CRX: variants seen among roughly 807,000 people sequenced by gnomAD.
The protein encoded by CRX is cone-rod homeobox protein.
A neutral mutation model predicts 13.1 loss-of-function variants in CRX; 5 were observed. That is an observed-to-expected ratio of 0.38 (90% CI 0.20 to 0.80). The LOEUF is 0.80. Among genes scored for constraint, CRX ranks in the 30% least tolerant of loss-of-function variants. The pLI is 0.43. For synonymous variants in CRX, 179 were observed against 171.1 expected (o/e 1.05, Z -0.36); for missense variants, 351 against 391.8 (o/e 0.90, Z 0.88).
At position 47,836,289 on chromosome 19, in the gene CRX, C is replaced by G. The variant is rs751665561; in HGVS notation, c.147C>G (p.Ser49Arg). ...GGGAGCGCACCACCTTCACCCGGAGCCAACTGGAGGAGCTGGAGGCACTGT... is the reference window on the plus strand; with the variant it reads ...GGGAGCGCACCACCTTCACCCGGAGGCAACTGGAGGAGCTGGAGGCACTGT... ...QRRERTTFTR[S>R]QLEELEALFA... Residue 49 changes from serine (S) to arginine (R), a missense_variant, in exon 3 of 4, where the codon AGC becomes AGG. Transcript: ENST00000221996. 3.1e-6 allele frequency: 5 copies of G among 1,614,078 alleles called. No homozygotes were observed. The South Asian group carries it at 5.5e-5, about 18-fold the overall frequency.
chr19:47,841,675 A>G lies in CRX; in HGVS notation c.*1708A>G, dbSNP rs1258489463. The G allele has an allele frequency of 6.7e-6, 1 of 150,024 alleles. No individual in the cohort carries two copies. The highest frequency in any genetic ancestry group is 1.5e-5 in the Non-Finnish European group (1 of 67,820). The allele number at this position is 150,024 out of a possible 1,614,324, so 9.3% of individuals were successfully genotyped here. A position where few individuals can be genotyped will look rare whatever the true frequency, so the allele number is the denominator to read the frequency against. On this transcript the variant is annotated 3_prime_UTR_variant, in exon 4 of 4. Coordinates refer to ENST00000221996, the MANE Select transcript of CRX (RefSeq NM_000554.6). Reference sequence around the variant, plus strand: ...GGGTGGCACCATTATTTCTTGAAATAGAATCTTACTTATGGTGACACTGGC... The same window carrying G: ...GGGTGGCACCATTATTTCTTGAAATGGAATCTTACTTATGGTGACACTGGC...
intron 1 of CRX, among the ~76,000 whole-genome samples, chr19:47,834,191 G>A (rs1968088251): frequency 6.6e-6 from 1 of 152,134 alleles, no homozygotes; most frequent in African/African-American, 2.4e-5. Flanking sequence ...GGCACATGAT[G>A]GCTTCAGCTG....
At chr19:47,832,452 G>T (rs1781757202) in intron 1 of CRX, among the ~76,000 whole-genome samples, 1 of 151,576 alleles carries the variant, frequency 6.6e-6, no homozygotes, top group African/African-American at 2.4e-5. Flanking sequence ...GGAGAGTTTC[G>T]CTATGTTGCC....
At chr19:47,824,989 G>GGTTTTT (rs1568620994) in intron 1 of CRX, among the ~76,000 whole-genome samples, 1 of 57,976 alleles carries the variant, frequency 1.7e-5, no homozygotes, top group African/African-American at 8.0e-5. Flanking sequence ...TCGATTGATT[G>GGTTTTT]ATTTTTTTTT....
At chr19:47,827,359 G>A (rs12973101) in intron 1 of CRX, among the ~76,000 whole-genome samples, 32,473 of 151,362 alleles carry the variant, frequency 0.21, 3,615 homozygotes, top group African/African-American at 0.24. Flanking sequence ...TCAGGGTGAC[G>A]GTGTGAGATT....
At chr19:47,835,281 C>G (rs13346039) in intron 2 of CRX, among the ~76,000 whole-genome samples, 1,897 of 151,476 alleles carry the variant, frequency 0.013, 43 homozygotes, top group African/African-American at 0.044. Flanking sequence ...TGGTCTCAAA[C>G]TCTTGGGTCC....
intron 2 of CRX, among the ~76,000 whole-genome samples, chr19:47,835,667 G>A (rs143025962): frequency 6.9e-6 from 1 of 145,740 alleles, no homozygotes; most frequent in African/African-American, 2.6e-5. Context: ...CTGTTACCAG[G>A]CTGGAGTGCA....
At chr19:47,825,613 C>G (rs1967965558) in intron 1 of CRX, among the ~76,000 whole-genome samples, 1 of 152,138 alleles carries the variant, frequency 6.6e-6, no homozygotes, top group South Asian at 2.1e-4. Context: ...CCTCCTCTCC[C>G]CTATCCGTTA....
chr19:47,827,836 TAAAAA>T (rs1156465404), intron 1 of CRX, among the ~76,000 whole-genome samples: 1,069 of 41,346 alleles, frequency 0.026, 16 homozygotes, highest in African/African-American at 0.03. Flanking sequence ...GCATCTTTAT[TAAAAA>T]AAAAAAAAAA....
chr19:47,836,514 G>C, intron 3 of CRX, 120 bp downstream of exon 3: 2 of 1,321,856 alleles, frequency 1.5e-6, no homozygotes, highest in South Asian at 2.4e-5. Flanking sequence ...GTTATAAAGG[G>C]GACAATAATC....
intron 3 of CRX, among the ~76,000 whole-genome samples, chr19:47,838,980 A>G (rs1968155106): frequency 6.6e-6 from 1 of 151,594 alleles, no homozygotes; most frequent in East Asian, 1.9e-4. Flanking sequence ...GTGGATGAAT[A>G]TGTGTATGAT....
At chr19:47,828,688 G>A (rs182932621) in intron 1 of CRX, among the ~76,000 whole-genome samples, 7 of 151,404 alleles carry the variant, frequency 4.6e-5, no homozygotes, top group East Asian at 1.9e-4. Context: ...GAGCTGAGAC[G>A]TGGAGGAGAA....
intron 3 of CRX, among the ~76,000 whole-genome samples, chr19:47,838,362 T>C (rs1968144771): frequency 6.6e-6 from 1 of 152,148 alleles, no homozygotes; most frequent in Non-Finnish European, 1.5e-5. Context: ...TACGCATGTA[T>C]ATATAATTAG....
chr19:47,828,064 GAATCACT>G (rs1967997953), intron 1 of CRX, among the ~76,000 whole-genome samples: 1 of 151,438 alleles, frequency 6.6e-6, no homozygotes, highest in Admixed American at 6.6e-5. Context: ...TGAGGCAGGA[GAATCACT>G]TGACCCTGGG....
chr19:47,835,971 T>C (rs73941292), intron 2 of CRX, among the ~76,000 whole-genome samples: 2,004 of 152,258 alleles, frequency 0.013, 44 homozygotes, highest in African/African-American at 0.044. Flanking sequence ...AGCAATGTCA[T>C]GCTTCAACTG....
At chr19:47,834,309 A>G in intron 1 of CRX, 100 bp from the exon 2 acceptor site, 3 of 743,600 alleles carry the variant, frequency 4.0e-6, no homozygotes, top group Non-Finnish European at 7.3e-6. Flanking sequence ...AAGGTCACAT[A>G]CCTAAGAGGA....
rs936709261 is a variant in CRX at position 47,839,757 on chromosome 19, G to A, written c.690G>A (p.Gly230=). ...TTTCTCCCATGGTGCCCCAGCTAGGGGGCCCGGCTCTTAGCCCCCTCTCTG... is the reference window on the plus strand; with the variant it reads ...TTTCTCCCATGGTGCCCCAGCTAGGAGGCCCGGCTCTTAGCCCCCTCTCTG... ...PYLSPMVPQL[G]GPALSPLSGP... Residue 230 remains glycine, a synonymous_variant, in exon 4 of 4, where the codon GGG becomes GGA. Coordinates refer to ENST00000221996, the MANE Select transcript of CRX (RefSeq NM_000554.6). The surrounding 1 kb of genome is among the most constrained non-coding windows in gnomAD (Gnocchi z 4.6). 3 of 1,613,954 alleles carry A rather than the reference G, an allele frequency of 1.9e-6. No individual in the cohort carries two copies. Among genetic ancestry groups the A allele is most frequent in the East Asian group, 2.2e-5 (1 of 44,880 alleles).
chr19:47,836,418 C>T, intron 3 of CRX, 24 bp downstream of exon 3: 3 of 1,614,114 alleles, frequency 1.9e-6, no homozygotes, highest in Non-Finnish European at 2.5e-6. Flanking sequence ...TCCCTGGACC[C>T]CTCCCGACAC....
rs145337312 is a variant in CRX, at chr19:47,834,456, A to G, written c.13A>G (p.Met5Val). Residue 5 changes from methionine to valine, a missense_variant, in exon 2 of 4, where the codon ATG (methionine) becomes GTG (valine). Physicochemically the swap from Met to Val is conservative, Grantham distance 21 (BLOSUM62 1). Transcript: ENST00000221996. MMAY[M>V]NPGPHYSVNA... ...GTCCCCGAAGATCATGATGGCGTATATGAACCCGGGGCCCCACTATTCTGT... is the reference window on the plus strand; with the variant it reads ...GTCCCCGAAGATCATGATGGCGTATGTGAACCCGGGGCCCCACTATTCTGT... 6.2e-7 allele frequency: 1 copy of G among 1,613,916 alleles called. No individual in the cohort carries two copies. Among genetic ancestry groups the G allele is most frequent in the African/African-American group, 1.3e-5 (1 of 74,896 alleles).
Sources: gnomAD v4.1 joint callset for allele counts (sites outside exome capture counted in the v4.1 genomes callset) on GRCh38, gnomAD v4.1.1 for gene constraint, Gnocchi (gnomAD v3.1) non-coding constraint, MANE v1.5 for transcripts, NCBI Gene and HGNC (gene_info 2026-07-23, HGNC 2026-07-21) for gene names.